The following ZDHHC16 variants were observed in gnomAD, a reference collection of about 807,000 sequenced individuals.
ZDHHC16 encodes the protein palmitoyltransferase ZDHHC16.
In ZDHHC16, 33 loss-of-function variants were observed where a neutral mutation model predicts 54.4. That is an observed-to-expected ratio of 0.61 (90% CI 0.46 to 0.81). ZDHHC16 has a LOEUF of 0.81. ZDHHC16 is among the 30% of genes least tolerant of loss of function. The pLI is 0.00. For missense variants in ZDHHC16, 420 were observed against 485.9 expected, an observed-to-expected ratio of 0.86 and a Z score of 1.28; for synonymous variants, 185 against 182.1, an observed-to-expected ratio of 1.02 and a Z score of -0.13.
chr10:97,456,656 T>G, intron 11 of ZDHHC16, 121 bp from the exon 12 acceptor site: 1 of 677,894 alleles, frequency 1.5e-6, no homozygotes. Flanking sequence ...AGAACTTTTG[T>G]TACTTTCATG....
rs1021500002 is a variant in ZDHHC16 at position 97,453,833 on chromosome 10, C to T, written c.725C>T (p.Ala242Val). The T allele has an allele frequency of 1.5e-5, 24 of 1,614,100 alleles. No individual in the cohort carries two copies. Among genetic ancestry groups the T allele is most frequent in the African/African-American group, 2.7e-5 (2 of 74,942 alleles). Residue 242 changes from alanine to valine, a missense_variant, in exon 8 of 12, where the codon GCG becomes GTG. Physicochemically the swap from Ala to Val is moderately conservative, Grantham distance 64. Coordinates refer to ENST00000393760, the MANE Select transcript of ZDHHC16 (RefSeq NM_198046.3). ...CAGCTCGACAAGAACAAACTACAGG[C>T]GGTTGCCAACCAGGTGGGCTGTCCC... ...MKQLDKNKLQ[A>V]VANQTYHQTP...
chr10:97,454,006 A>T (rs1268864991), intron 8 of ZDHHC16, among the ~76,000 whole-genome samples, 160 bp downstream of exon 8: 2 of 152,140 alleles, frequency 1.3e-5, no homozygotes, highest in African/African-American at 4.8e-5. Flanking sequence ...TGGTGGGTAG[A>T]CTAAGTGGCC....
Position 97,452,115 on chromosome 10 carries a change from T to C in ZDHHC16, c.269T>C (p.Leu90Pro), listed in dbSNP as rs1281999138. The C allele has an allele frequency of 1.2e-6, 2 of 1,614,014 alleles. No individual in the cohort carries two copies. The highest frequency in any genetic ancestry group is 1.7e-5 in the Admixed American group (1 of 60,030). The change falls in exon 4 of 12, where the codon CTG becomes CCG. Residue 90 changes from leucine (L) to proline (P), a missense_variant. Leu to Pro is a moderately conservative substitution (Grantham distance 98). Transcript: ENST00000393760. ...GTGTTCGTGGTCCTGGTGATCGTGCTGACAGGCTCCATTGTAGCTATCGCC... is the reference window on the plus strand; with the variant it reads ...GTGTTCGTGGTCCTGGTGATCGTGCCGACAGGCTCCATTGTAGCTATCGCC... ...GVVFVVLVIV[L>P]TGSIVAIAYL...
At chr10:97,452,749 G>C (rs1846765905) in intron 5 of ZDHHC16, 146 bp from the exon 6 acceptor site, 4 of 1,131,662 alleles carry the variant, frequency 3.5e-6, no homozygotes, top group Admixed American at 3.8e-5. Flanking sequence ...TTAAACTGCA[G>C]AGCTGGGTTT....
At chr10:97,453,504 C>T (rs980258798) in intron 6 of ZDHHC16, 26 bp from the exon 7 acceptor site, 1 of 1,612,052 alleles carries the variant, frequency 6.2e-7, no homozygotes, top group Non-Finnish European at 8.5e-7. Flanking sequence ...GTGTTTGATT[C>T]TAGTCCTTAA....
Position 97,455,984 on chromosome 10 carries a change from A to T in ZDHHC16, c.959A>T (p.Asn320Ile), listed in dbSNP as rs1013615449. 6.2e-7 allele frequency: 1 copy of T among 1,614,086 alleles called. No homozygotes were observed. The highest frequency in any genetic ancestry group is 1.7e-5 in the Admixed American group (1 of 59,996). Residue 320 changes from asparagine (N) to isoleucine (I), a missense_variant, in exon 11 of 12, where the codon AAT becomes ATT. By Grantham distance (149) the Asn-to-Ile change is moderately radical. Coordinates refer to ENST00000393760, the MANE Select transcript of ZDHHC16 (RefSeq NM_198046.3). ...RLQAKGRVFR[N>I]PYNYGCLDNW... Reference sequence around the variant, plus strand: ...TTTTCTTGGCTCCAGGTATTTAGGAATCCTTACAACTACGGCTGCTTGGAC... The same window carrying T: ...TTTTCTTGGCTCCAGGTATTTAGGATTCCTTACAACTACGGCTGCTTGGAC...
chr10:97,451,055 A>G (rs1309803455), intron 2 of ZDHHC16: 1 of 152,348 alleles, frequency 6.6e-6, no homozygotes, highest in East Asian at 1.9e-4. Flanking sequence ...AGCCTGTGAC[A>G]TCAGCCCAGA....
At chr10:97,448,141 A>T (rs775917342) in intron 1 of ZDHHC16, 1 of 152,190 alleles carries the variant, frequency 6.6e-6, no homozygotes, top group Non-Finnish European at 1.5e-5. Flanking sequence ...TCTAGCTCCT[A>T]AGTGCCATGA....
intron 1 of ZDHHC16, among the ~76,000 whole-genome samples, chr10:97,447,889 C>T (rs2133187223): frequency 6.6e-6 from 1 of 151,558 alleles, no homozygotes; most frequent in Admixed American, 6.6e-5. Flanking sequence ...TGCCATTGCA[C>T]TCCAGCCTGG....
chr10:97,454,163 G>C (rs1293752521), intron 8 of ZDHHC16, among the ~76,000 whole-genome samples: 2 of 152,184 alleles, frequency 1.3e-5, no homozygotes, highest in African/African-American at 4.8e-5. Context: ...GGTTCCAGGG[G>C]ACAGAGATCA....
chr10:97,450,293 TTTC>T (rs1383281893), intron 1 of ZDHHC16, 61 bp from the exon 2 acceptor site: 1 of 152,418 alleles, frequency 6.6e-6, no homozygotes, highest in African/African-American at 2.4e-5. Context: ...GTCTGCTGAG[TTTC>T]TTTTCACCTT....
rs755714604 is a variant in ZDHHC16 at position 97,455,792 on chromosome 10, G to A, written c.948+9G>A. ...TACAGGCCAAGGGCAGAGTGAGTAG[G>A]GTTGAAGGCTCGGGGTGGGTAGGTG... On this transcript the variant is annotated intron_variant, in intron 10 of 11. Transcript: ENST00000393760. The A allele has an allele frequency of 2.1e-5, 34 of 1,612,122 alleles. No homozygotes were observed. Among genetic ancestry groups the A allele is most frequent in the Middle Eastern group, 3.3e-4 (2 of 6,046 alleles).
In ZDHHC16 at chr10:97,450,431, T is replaced by G. The variant is rs1846509867; in HGVS notation, c.-111T>G. On this transcript the variant is annotated 5_prime_UTR_variant, in exon 2 of 12. Coordinates refer to ENST00000393760, the MANE Select transcript of ZDHHC16 (RefSeq NM_198046.3). ...TACCGAATTGAAACCATCCCTGCAG[T>G]GGAGCAGCCTCCTCCAGTTTCTGTT... The G allele has an allele frequency of 6.6e-6, 1 of 152,236 alleles. No homozygotes were observed. Among genetic ancestry groups the G allele is most frequent in the Admixed American group, 6.5e-5 (1 of 15,286 alleles). 9.4% of individuals were successfully genotyped at this position (152,236 alleles called of 1,614,324 possible).
chr10:97,456,025 C>G lies in ZDHHC16; in HGVS notation c.1000C>G (p.Leu334Val). 6.2e-7 allele frequency: 1 copy of G among 1,614,128 alleles called. No homozygotes were observed. Among genetic ancestry groups the G allele is most frequent in the Non-Finnish European group, 8.5e-7 (1 of 1,180,002 alleles). ...YGCLDNWKVF[L>V]GVDTGRHWLT... ...CTGCTTGGACAACTGGAAGGTATTC[C>G]TGGGTGTGGATACAGGAAGGTAATG... Residue 334 changes from leucine (L) to valine (V), a missense_variant, in exon 11 of 12, where the codon CTG becomes GTG. By Grantham distance (32) the Leu-to-Val change is conservative. Transcript: ENST00000393760.
chr10:97,446,422 G>A (rs1205452294), intron 1 of ZDHHC16, 69 bp downstream of exon 1: 3 of 229,704 alleles, frequency 1.3e-5, no homozygotes, highest in South Asian at 1.1e-4. Flanking sequence ...CTGCCCTGGG[G>A]CCTTGTCTTG....
intron 9 of ZDHHC16, among the ~76,000 whole-genome samples, chr10:97,455,041 C>T (rs1847036254): frequency 6.6e-6 from 1 of 152,190 alleles, no homozygotes; most frequent in Non-Finnish European, 1.5e-5. Flanking sequence ...GTAAGTTAAA[C>T]TCCTTATTTA....
chr10:97,455,579 G>A (rs772352763), intron 9 of ZDHHC16, 81 bp from the exon 10 acceptor site: 53 of 1,609,152 alleles, frequency 3.3e-5, no homozygotes, highest in Non-Finnish European at 4.2e-5. Flanking sequence ...CAAACCAGTT[G>A]TTACTGCTTA....
Position 97,452,913 on chromosome 10 carries a change from TCAC to T in ZDHHC16, c.550_552del (p.His184del). The T allele has an allele frequency of 1.2e-6, 2 of 1,614,214 alleles. No homozygotes were observed. ...CTCACAGGTGTGTGCTGAAGATGGATCACCACTGCCGTATCCTTTTGCTTTCTC... is the reference window on the plus strand; with the variant it reads ...CTCACAGGTGTGTGCTGAAGATGGATCACTGCCGTATCCTTTTGCTTTCTC... On this transcript the variant is annotated inframe_deletion, in exon 6 of 12. Transcript: ENST00000393760.
chr10:97,448,946 G>A lies in ZDHHC16; in HGVS notation c.-185-1411G>A, dbSNP rs7893216. Reference sequence around the variant, plus strand: ...AGGGAGGACTGGAACCAATCCCTCCGCAGATATGGGGGTTGACTGTATCTG... The same window carrying A: ...AGGGAGGACTGGAACCAATCCCTCCACAGATATGGGGGTTGACTGTATCTG... On this transcript the variant is annotated intron_variant, in intron 1 of 11. Coordinates refer to ENST00000393760, the MANE Select transcript of ZDHHC16 (RefSeq NM_198046.3). Among the ~76,000 whole-genome samples the A allele has an allele frequency of 1.1e-3, 160 of 152,270 alleles. 1 individual carries two copies. The highest frequency in any genetic ancestry group is 3.7e-3 in the African/African-American group (155 of 41,544).
Sources: allele counts gnomAD v4.1 joint callset (sites outside exome capture counted in the v4.1 genomes callset), GRCh38; gene constraint gnomAD v4.1.1; transcripts MANE v1.5; gene names NCBI Gene and HGNC (gene_info 2026-07-23, HGNC 2026-07-21).